Variants in FNDC3B observed in about 807,000 individuals in gnomAD.
FNDC3B encodes fibronectin type III domain-containing protein 3B.
A neutral mutation model predicts 151.5 loss-of-function variants in FNDC3B; 12 were observed. That is an observed-to-expected ratio of 0.08 (90% confidence interval 0.05 to 0.13). FNDC3B has a LOEUF of 0.13. Ranked by LOEUF, FNDC3B falls within the 10% of genes least tolerant of loss-of-function variation. The pLI, the probability that FNDC3B is intolerant of heterozygous loss-of-function variation, is 1.00. For synonymous variants in FNDC3B, 528 were observed against 549.0 expected (o/e 0.96, Z 0.54); for missense variants, 1,214 against 1,505.3 (o/e 0.81, Z 3.20).
At chr3:172,281,521 G>C (rs1729724306) in intron 6 of FNDC3B, among the ~76,000 whole-genome samples, 1 of 152,314 alleles carries the variant, frequency 6.6e-6, no homozygotes, top group Non-Finnish European at 1.5e-5. Flanking sequence ...GTTTCGATCT[G>C]TTTACTTACG....
At chr3:172,191,096 A>G (rs1164325750) in intron 3 of FNDC3B, among the ~76,000 whole-genome samples, 2 of 152,154 alleles carry the variant, frequency 1.3e-5, no homozygotes, top group Non-Finnish European at 2.9e-5. Context: ...AATATAACCA[A>G]CCCTCCTTAT....
intron 3 of FNDC3B, among the ~76,000 whole-genome samples, chr3:172,192,997 T>C (rs1387783334): frequency 6.6e-6 from 1 of 152,110 alleles, no homozygotes; most frequent in Non-Finnish European, 1.5e-5. Context: ...AATTAATGAT[T>C]GTCTTAAATG....
chr3:172,303,925 C>G (rs1189009520), intron 9 of FNDC3B, among the ~76,000 whole-genome samples: 1 of 152,210 alleles, frequency 6.6e-6, no homozygotes, highest in Non-Finnish European at 1.5e-5. Flanking sequence ...ATGCAGCATA[C>G]TTACATTGCC....
intron 1 of FNDC3B, among the ~76,000 whole-genome samples, chr3:172,091,876 G>GTA (rs1718850596): frequency 6.8e-6 from 1 of 148,010 alleles, no homozygotes; most frequent in Non-Finnish European, 1.5e-5. Context: ...TTACTGGGGT[G>GTA]TGTGTGTGTG....
intron 6 of FNDC3B, among the ~76,000 whole-genome samples, chr3:172,262,548 G>T (rs990945272): frequency 2.0e-5 from 3 of 152,164 alleles, no homozygotes; most frequent in Non-Finnish European, 4.4e-5. Context: ...TTGTTAAAAT[G>T]ATATTTTAGA....
intron 1 of FNDC3B, among the ~76,000 whole-genome samples, chr3:172,061,521 C>T (rs915939602): frequency 1.3e-5 from 2 of 152,252 alleles, no homozygotes. Context: ...CATGAGCCAC[C>T]ACACCCAGCC....
intron 21 of FNDC3B, among the ~76,000 whole-genome samples, chr3:172,349,759 G>T (rs373918029): frequency 1.3e-5 from 2 of 152,038 alleles, no homozygotes; most frequent in African/African-American, 4.8e-5. Flanking sequence ...AGGTTCAAGC[G>T]ATTCTCCTGT....
intron 10 of FNDC3B, among the ~76,000 whole-genome samples, 180 bp downstream of exon 10, chr3:172,307,681 AAG>A (rs1006288278): frequency 2.0e-5 from 3 of 152,252 alleles, no homozygotes; most frequent in South Asian, 2.1e-4. Flanking sequence ...GCAACAGAGA[AAG>A]AGTCTCGAGT....
chr3:172,299,332 T>A (rs1048212913), intron 9 of FNDC3B, among the ~76,000 whole-genome samples: 13 of 152,184 alleles, frequency 8.5e-5, no homozygotes, highest in African/African-American at 2.9e-4. Context: ...ATCTCTCCTG[T>A]GATTTTCTGG....
At chr3:172,042,993 C>T (rs1013923977) in intron 1 of FNDC3B, among the ~76,000 whole-genome samples, 20 of 152,198 alleles carry the variant, frequency 1.3e-4, no homozygotes, top group Non-Finnish European at 1.3e-4. Context: ...CGGCTAACTG[C>T]AACCTCCGCC....
chr3:172,134,216 C>T (rs1264930647), intron 3 of FNDC3B: 6 of 375,782 alleles, frequency 1.6e-5, no homozygotes, highest in South Asian at 9.6e-5. Flanking sequence ...TATTTTATTA[C>T]AGCTCCTAGC....
chr3:172,237,949 A>C (rs1225378823), intron 4 of FNDC3B, among the ~76,000 whole-genome samples: 1 of 152,232 alleles, frequency 6.6e-6, no homozygotes, highest in Non-Finnish European at 1.5e-5. Context: ...TGAAGACAAC[A>C]ATAATCATGT....
chr3:172,236,994 T>C (rs187800810), intron 4 of FNDC3B, among the ~76,000 whole-genome samples: 18 of 152,338 alleles, frequency 1.2e-4, no homozygotes, highest in Admixed American at 1.2e-3. Flanking sequence ...ATGACTTAGC[T>C]GTGCTCCTTT....
At chr3:172,119,149 GAC>G (rs1376925533) in intron 2 of FNDC3B, among the ~76,000 whole-genome samples, 138 of 136,906 alleles carry the variant, frequency 1.0e-3, no homozygotes, top group Admixed American at 3.8e-4. Flanking sequence ...CAGCCTGGGT[GAC>G]ACAGTGAGAC....
At chr3:172,301,084 G>A (rs980800406) in intron 9 of FNDC3B, among the ~76,000 whole-genome samples, 22 of 152,132 alleles carry the variant, frequency 1.4e-4, no homozygotes, top group Non-Finnish European at 2.9e-4. Flanking sequence ...GTACTTAAGC[G>A]AGCCATTGAA....
intron 1 of FNDC3B, among the ~76,000 whole-genome samples, chr3:172,068,563 A>C (rs1296423417): frequency 6.6e-6 from 1 of 151,618 alleles, no homozygotes; most frequent in Non-Finnish European, 1.5e-5. Flanking sequence ...GGCTGGGATC[A>C]CAGGCTTAAG....
intron 25 of FNDC3B, among the ~76,000 whole-genome samples, chr3:172,394,979 GC>G (rs1736203121): frequency 6.6e-6 from 1 of 152,026 alleles, no homozygotes; most frequent in Admixed American, 6.6e-5. Context: ...CAGAATGAAG[GC>G]CAAAAACCAT....
At chr3:172,158,359 A>T (rs938597066) in intron 3 of FNDC3B, among the ~76,000 whole-genome samples, 2 of 152,244 alleles carry the variant, frequency 1.3e-5, no homozygotes, top group African/African-American at 2.4e-5. Flanking sequence ...ATTTGGTCTG[A>T]TGTTTTTAAT....
intron 2 of FNDC3B, chr3:172,127,119 A>G (rs1720844747): frequency 2.2e-6 from 1 of 454,414 alleles, no homozygotes; most frequent in African/African-American, 2.0e-5. Context: ...TTGGTAAAAA[A>G]TTTTTCTTGA....
Sources: allele counts gnomAD v4.1 joint callset (sites outside exome capture counted in the v4.1 genomes callset), GRCh38; gene constraint gnomAD v4.1.1; transcripts MANE v1.5; gene names NCBI Gene and HGNC (gene_info 2026-07-23, HGNC 2026-07-21).